The following SMCHD1 variants were observed in gnomAD, a reference collection of about 807,000 sequenced individuals.
SMCHD1 encodes the protein structural maintenance of chromosomes flexible hinge domain containing 1.
A neutral mutation model predicts 254.7 loss-of-function variants in SMCHD1; 78 were observed. The observed-to-expected ratio is 0.31, with a 90% confidence interval of 0.26 to 0.37. The LOEUF (loss-of-function observed/expected upper bound fraction) is 0.37, where lower values mean the gene tolerates loss of function less well. SMCHD1 is among the 10% of genes least tolerant of loss of function. SMCHD1 has a pLI of 1.00. For synonymous variants in SMCHD1, 766 were observed against 794.9 expected, an observed-to-expected ratio of 0.96 and a Z score of 0.61; for missense variants, 1,840 against 2,408.1, an observed-to-expected ratio of 0.76 and a Z score of 4.94.
At chr18:2,664,653 A>C (rs1217889720) in intron 1 of SMCHD1, among the ~76,000 whole-genome samples, 1 of 152,218 alleles carries the variant, frequency 6.6e-6, no homozygotes, top group African/African-American at 2.4e-5. Context: ...TTCATATGGC[A>C]TTACACTGGG....
At chr18:2,793,443 C>G (rs189681723) in intron 45 of SMCHD1, among the ~76,000 whole-genome samples, 3,464 of 151,970 alleles carry the variant, frequency 0.023, 60 homozygotes, top group Non-Finnish European at 0.037. Flanking sequence ...GCGGGTGGAT[C>G]ACGAGGTCAG....
intron 17 of SMCHD1, among the ~76,000 whole-genome samples, chr18:2,716,898 C>T (rs2074812224): frequency 6.6e-6 from 1 of 152,238 alleles, no homozygotes. Context: ...GGGACAAAAA[C>T]CAGGCTCCAG....
intron 34 of SMCHD1, among the ~76,000 whole-genome samples, chr18:2,758,130 T>C (rs1051750914): frequency 6.6e-6 from 1 of 152,188 alleles, no homozygotes; most frequent in Non-Finnish European, 1.5e-5. Flanking sequence ...TGATAATCTT[T>C]GTCTTCTCAT....
rs1158631841 is a variant in SMCHD1, at chr18:2,802,914, G to T, written c.*362G>T. 3 of 180,960 alleles carry T rather than the reference G, an allele frequency of 1.7e-5. No individual in the cohort carries two copies. The highest frequency in any genetic ancestry group is 3.4e-5 in the Non-Finnish European group (3 of 87,356). The allele number at this position is 180,960 out of a possible 1,614,324, so 11.2% of individuals were successfully genotyped here. On this transcript the variant is annotated 3_prime_UTR_variant, in exon 48 of 48. Coordinates refer to ENST00000320876, the MANE Select transcript of SMCHD1 (RefSeq NM_015295.3). ...TACTATTTTTCAGTATAAATATAAT[G>T]AACATGTCAGAACTATTTCTTGAAA...
At chr18:2,686,339 A>G (rs2074051732) in intron 5 of SMCHD1, among the ~76,000 whole-genome samples, 1 of 152,210 alleles carries the variant, frequency 6.6e-6, no homozygotes, top group South Asian at 2.1e-4. Context: ...CTCAGGTGGT[A>G]AGTATAATGC....
chr18:2,677,491 T>C (rs1382242647), intron 5 of SMCHD1, among the ~76,000 whole-genome samples: 1 of 152,218 alleles, frequency 6.6e-6, no homozygotes, highest in Non-Finnish European at 1.5e-5. Context: ...TAAAGCATAC[T>C]GTTCAGTAGT....
At chr18:2,779,654 G>C (rs1331186723) in intron 44 of SMCHD1, among the ~76,000 whole-genome samples, 1 of 152,014 alleles carries the variant, frequency 6.6e-6, no homozygotes, top group African/African-American at 2.4e-5. Context: ...CTTAAGCTGA[G>C]AACAAATAAT....
intron 45 of SMCHD1, among the ~76,000 whole-genome samples, chr18:2,787,584 A>G (rs2076259341): frequency 6.6e-6 from 1 of 152,220 alleles, no homozygotes; most frequent in Non-Finnish European, 1.5e-5. Context: ...TCAGTGAATT[A>G]ATGTAAAAGG....
At chr18:2,752,457 C>T (rs1285860884) in intron 33 of SMCHD1, 31 bp from the exon 34 acceptor site, 6 of 1,495,770 alleles carry the variant, frequency 4.0e-6, no homozygotes, top group Non-Finnish European at 5.6e-6. Flanking sequence ...TCATTTTCCC[C>T]TCTCCCCTTC....
At chr18:2,658,347 G>C (rs1002421742) in intron 1 of SMCHD1, among the ~76,000 whole-genome samples, 14 of 152,328 alleles carry the variant, frequency 9.2e-5, no homozygotes, top group African/African-American at 2.9e-4. Context: ...CACAGTCGTG[G>C]AAATGGTGAC....
At chr18:2,694,840 G>T in intron 8 of SMCHD1, 147 bp downstream of exon 8, 2 of 642,388 alleles carry the variant, frequency 3.1e-6, no homozygotes, top group Non-Finnish European at 5.4e-6. Context: ...TCTGATATTG[G>T]TGTTAAAACA....
At chr18:2,708,907 T>TATATATATATATATATATA (rs769432583) in intron 17 of SMCHD1, among the ~76,000 whole-genome samples, 10 of 44,700 alleles carry the variant, frequency 2.2e-4, no homozygotes, top group Non-Finnish European at 3.2e-4. Context: ...TATATATATA[T>TATATATATATATATATATA]AACATATTAA....
intron 47 of SMCHD1, 81 bp from the exon 48 acceptor site, chr18:2,802,447 A>T: frequency 2.0e-6 from 2 of 989,702 alleles, no homozygotes; most frequent in Non-Finnish European, 3.0e-6. Context: ...TTGGATATTT[A>T]AGCATTCAGG....
intron 1 of SMCHD1, among the ~76,000 whole-genome samples, chr18:2,665,225 G>A (rs2073403533): frequency 6.6e-6 from 1 of 151,756 alleles, no homozygotes. Flanking sequence ...TGTGTTCATT[G>A]GTCATTTGTA....
chr18:2,753,527 A>T (rs2075614940), intron 34 of SMCHD1, among the ~76,000 whole-genome samples: 1 of 152,114 alleles, frequency 6.6e-6, no homozygotes, highest in African/African-American at 2.4e-5. Flanking sequence ...TTAAACATAG[A>T]TGTGTGTGTT....
chr18:2,676,851 CTGTAGCA>C (rs1454499211), intron 5 of SMCHD1, among the ~76,000 whole-genome samples: 2 of 152,206 alleles, frequency 1.3e-5, no homozygotes, highest in African/African-American at 4.8e-5. Context: ...CTCCCAAATA[CTGTAGCA>C]TGTGTATTCT....
intron 45 of SMCHD1, among the ~76,000 whole-genome samples, chr18:2,786,795 T>G (rs186673259): frequency 6.6e-6 from 1 of 152,244 alleles, no homozygotes; most frequent in Non-Finnish European, 1.5e-5. Flanking sequence ...TCTTGACTTA[T>G]AGTAGCTTAG....
intron 25 of SMCHD1, among the ~76,000 whole-genome samples, chr18:2,732,977 C>T (rs2143489720): frequency 6.6e-6 from 1 of 152,272 alleles, no homozygotes; most frequent in Admixed American, 6.5e-5. Context: ...TTTGTTGGTC[C>T]TCATCAACCT....
At chr18:2,772,589 C>G (rs140551557) in intron 41 of SMCHD1, among the ~76,000 whole-genome samples, 2 of 152,312 alleles carry the variant, frequency 1.3e-5, no homozygotes, top group East Asian at 3.9e-4. Flanking sequence ...TTGTTAACAT[C>G]TATTAGTTCA....
Sources: gnomAD v4.1 joint callset for allele counts (sites outside exome capture counted in the v4.1 genomes callset) on GRCh38, gnomAD v4.1.1 for gene constraint, MANE v1.5 for transcripts, NCBI Gene and HGNC (gene_info 2026-07-23, HGNC 2026-07-21) for gene names.